The following ITGA9 variants were observed in gnomAD, a reference collection of about 807,000 sequenced individuals.
ITGA9 encodes integrin alpha-9.
ITGA9 carries 56 observed loss-of-function variants against 127.8 expected under a neutral mutation model. The observed-to-expected ratio is 0.44, with a 90% CI of 0.35 to 0.55. The LOEUF (loss-of-function observed/expected upper bound fraction) is 0.55, where lower values mean the gene tolerates loss of function less well. Among genes scored for constraint, ITGA9 ranks in the 20% least tolerant of loss-of-function variants. ITGA9 has a pLI of 0.00. For synonymous variants in ITGA9, 508 were observed against 514.5 expected, an observed-to-expected ratio of 0.99 and a Z score of 0.17; for missense variants, 1,196 against 1,347.1, an observed-to-expected ratio of 0.89 and a Z score of 1.76.
intron 18 of ITGA9, among the ~76,000 whole-genome samples, chr3:37,709,484 G>C (rs896037486): frequency 2.0e-5 from 3 of 152,192 alleles, no homozygotes; most frequent in African/African-American, 7.2e-5. Flanking sequence ...CATAAAAATG[G>C]GGGACTAAAT....
At chr3:37,666,712 T>C (rs932738849) in intron 17 of ITGA9, among the ~76,000 whole-genome samples, 1 of 152,100 alleles carries the variant, frequency 6.6e-6, no homozygotes, top group African/African-American at 2.4e-5. Context: ...TCAAAGCAAA[T>C]GTCACAGGGT....
chr3:37,624,557 C>T (rs571462112), intron 15 of ITGA9, among the ~76,000 whole-genome samples: 6 of 152,118 alleles, frequency 3.9e-5, no homozygotes, highest in Non-Finnish European at 7.4e-5. Flanking sequence ...ACACAGCCTC[C>T]TGCTGCCTCC....
At chr3:37,493,995 T>C (rs1410722145) in intron 4 of ITGA9, among the ~76,000 whole-genome samples, 1 of 152,310 alleles carries the variant, frequency 6.6e-6, no homozygotes, top group East Asian at 1.9e-4. Context: ...TGTAACCGAA[T>C]GCCAGAGCAG....
At chr3:37,745,688 A>G (rs1432817618) in intron 22 of ITGA9, 3 of 152,324 alleles carry the variant, frequency 2.0e-5, no homozygotes, top group Middle Eastern at 3.4e-3. Flanking sequence ...AATATACCAA[A>G]TGTTCTTATC....
intron 26 of ITGA9, among the ~76,000 whole-genome samples, chr3:37,802,551 T>G (rs1209262997): frequency 6.6e-6 from 1 of 152,182 alleles, no homozygotes. Flanking sequence ...TGTGATTTTT[T>G]TGTCTTTTGC....
intron 27 of ITGA9, among the ~76,000 whole-genome samples, chr3:37,816,066 G>A (rs1697428618): frequency 6.6e-6 from 1 of 152,196 alleles, no homozygotes; most frequent in African/African-American, 2.4e-5. Context: ...AATTGTCAAA[G>A]CTAGTCTCAG....
intron 15 of ITGA9, among the ~76,000 whole-genome samples, chr3:37,596,594 C>A (rs927886068): frequency 5.9e-5 from 9 of 152,104 alleles, no homozygotes; most frequent in African/African-American, 2.2e-4. Flanking sequence ...ATGTCCTGCT[C>A]CCCCGGAGGA....
intron 16 of ITGA9, among the ~76,000 whole-genome samples, chr3:37,642,878 TGGAAA>T (rs1700346063): frequency 1.3e-5 from 2 of 152,256 alleles, no homozygotes; most frequent in Non-Finnish European, 2.9e-5. Flanking sequence ...GCTCATGCTA[TGGAAA>T]TCCACTGTTT....
At chr3:37,611,041 A>AG (rs1328953757) in intron 15 of ITGA9, among the ~76,000 whole-genome samples, 2 of 152,240 alleles carry the variant, frequency 1.3e-5, no homozygotes. Flanking sequence ...GCAAAAAAAA[A>AG]GTAAAGCATC....
chr3:37,666,872 G>C (rs1197890962), intron 17 of ITGA9, among the ~76,000 whole-genome samples: 1 of 152,112 alleles, frequency 6.6e-6, no homozygotes, highest in Admixed American at 6.5e-5. Flanking sequence ...CGTACCTCTT[G>C]GAATGACTAT....
intron 15 of ITGA9, among the ~76,000 whole-genome samples, chr3:37,599,299 G>A (rs191411206): frequency 3.9e-5 from 6 of 152,326 alleles, no homozygotes; most frequent in Admixed American, 3.9e-4. Flanking sequence ...GCTCACTCAT[G>A]TGTTAGGGTT....
intron 15 of ITGA9, among the ~76,000 whole-genome samples, chr3:37,620,294 A>G (rs1239664385): frequency 6.6e-6 from 1 of 152,184 alleles, no homozygotes; most frequent in Non-Finnish European, 1.5e-5. Context: ...TAAGCAATGC[A>G]TGTAGCGGCT....
rs1697529703 is a variant in ITGA9, at chr3:37,822,810, A to G, written c.*3821A>G. ...GACTTTTATTTTTGGGTAAGGCATT[A>G]TGGCCAGGTGCATGCAGTTATGTCT... On this transcript the variant is annotated 3_prime_UTR_variant, in exon 28 of 28. Transcript: ENST00000264741. 2 of 152,214 alleles carry G rather than the reference A, an allele frequency of 1.3e-5. No homozygotes were observed. The highest frequency in any genetic ancestry group is 4.1e-4 in the South Asian group (2 of 4,830). 9.4% of individuals were successfully genotyped at this position (152,214 alleles called of 1,614,324 possible). A position where few individuals can be genotyped will look rare whatever the true frequency, so the allele number is the denominator to read the frequency against.
chr3:37,676,984 A>G (rs1197055008), intron 17 of ITGA9, among the ~76,000 whole-genome samples: 1 of 152,180 alleles, frequency 6.6e-6, no homozygotes, highest in Non-Finnish European at 1.5e-5. Context: ...ATTCTTTCAG[A>G]TGTGGCTCAA....
chr3:37,500,359 G>C (rs1018772307), intron 5 of ITGA9, among the ~76,000 whole-genome samples: 2 of 152,254 alleles, frequency 1.3e-5, no homozygotes, highest in Admixed American at 6.5e-5. Context: ...TCCTTCAAGG[G>C]GGGTAGGATC....
At chr3:37,523,045 A>G (rs920859015) in intron 11 of ITGA9, among the ~76,000 whole-genome samples, 14 of 152,286 alleles carry the variant, frequency 9.2e-5, no homozygotes, top group African/African-American at 3.1e-4. Flanking sequence ...CATGTTAATT[A>G]CCTGTCTGTC....
chr3:37,739,425 C>G (rs998733424), intron 20 of ITGA9, among the ~76,000 whole-genome samples: 1 of 152,230 alleles, frequency 6.6e-6, no homozygotes, highest in Non-Finnish European at 1.5e-5. Context: ...CGGAGGGCAC[C>G]CACACACAGC....
chr3:37,522,473 C>G (rs1046680846), intron 11 of ITGA9, among the ~76,000 whole-genome samples: 1 of 152,088 alleles, frequency 6.6e-6, no homozygotes, highest in Non-Finnish European at 1.5e-5. Flanking sequence ...TGGCTGTAAT[C>G]CCAGTTCCTT....
At chr3:37,658,979 T>C (rs1266014292) in intron 17 of ITGA9, among the ~76,000 whole-genome samples, 1 of 152,212 alleles carries the variant, frequency 6.6e-6, no homozygotes, top group Non-Finnish European at 1.5e-5. Flanking sequence ...GGTTTGAAAA[T>C]TCTTAAAGAA....
Sources: allele counts gnomAD v4.1 joint callset (sites outside exome capture counted in the v4.1 genomes callset), GRCh38; gene constraint gnomAD v4.1.1; transcripts MANE v1.5; gene names NCBI Gene and HGNC (gene_info 2026-07-23, HGNC 2026-07-21).